EMX1: variants seen among roughly 807,000 people sequenced by gnomAD.
EMX1 encodes the protein homeobox protein EMX1.
Under a neutral mutation model 20.1 loss-of-function variants are expected in EMX1, and 10 were observed. The ratio of observed to expected loss-of-function variants is 0.50; its 90% CI spans 0.31 to 0.84. The LOEUF is 0.84. Among genes scored for constraint, EMX1 ranks in the 40% least tolerant of loss-of-function variants. The pLI is 0.05. For missense variants in EMX1, 424 were observed against 431.9 expected, an observed-to-expected ratio of 0.98 and a Z score of 0.16; for synonymous variants, 250 against 200.4, an observed-to-expected ratio of 1.25 and a Z score of -2.09.
chr2:72,928,837 G>C (rs1671243219), intron 2 of EMX1, among the ~76,000 whole-genome samples: 1 of 152,154 alleles, frequency 6.6e-6, no homozygotes. Context: ...TTGAGAAGAT[G>C]GCTCCAGGAG....
At chr2:72,925,383 C>G in intron 2 of EMX1, 1 of 1,235,376 alleles carries the variant, frequency 8.1e-7, no homozygotes, top group Non-Finnish European at 1.0e-6. Context: ...TGTAAGTAGA[C>G]TTTGCCATAA....
At position 72,934,096 on chromosome 2, in the gene EMX1, G is replaced by A. The variant is rs1021369143; in HGVS notation, c.*142G>A. The A allele has an allele frequency of 2.5e-5, 30 of 1,199,468 alleles. No individual in the cohort carries two copies. The highest frequency in any genetic ancestry group is 9.6e-5 in the South Asian group (6 of 62,602). 74.3% of individuals were successfully genotyped at this position (1,199,468 alleles called of 1,614,324 possible). A position where few individuals can be genotyped will look rare whatever the true frequency, so the allele number is the denominator to read the frequency against. Reference sequence around the variant, plus strand: ...CATGGCCCCACAGGGCTTGAAGCCCGGGGCCGCCATTGACAGAGGGACAAG... The same window carrying A: ...CATGGCCCCACAGGGCTTGAAGCCCAGGGCCGCCATTGACAGAGGGACAAG... On this transcript the variant is annotated 3_prime_UTR_variant, in exon 3 of 3. Transcript: ENST00000258106.
At chr2:72,926,494 C>T (rs559072693) in intron 2 of EMX1, 1 of 206,720 alleles carries the variant, frequency 4.8e-6, no homozygotes, top group African/African-American at 2.4e-5. Flanking sequence ...CCTGGGGAAC[C>T]TGCCGTGGCA....
chr2:72,918,417 G>A (rs764710255), intron 1 of EMX1, 45 bp downstream of exon 1: 31 of 1,356,368 alleles, frequency 2.3e-5, no homozygotes, highest in Non-Finnish European at 2.4e-5. Flanking sequence ...GCCGGCGCCC[G>A]TGCTGCGGCG....
At chr2:72,926,765 A>G (rs996529193) in intron 2 of EMX1, among the ~76,000 whole-genome samples, 3 of 152,250 alleles carry the variant, frequency 2.0e-5, no homozygotes, top group Admixed American at 2.0e-4. Flanking sequence ...GATTAGTAGC[A>G]TAAGAAGATC....
intron 2 of EMX1, 128 bp downstream of exon 2, chr2:72,924,621 C>T (rs1419872907): frequency 8.6e-7 from 1 of 1,166,384 alleles, no homozygotes; most frequent in Non-Finnish European, 1.2e-6. Flanking sequence ...CCCCCATTCC[C>T]CGCGGCGCTG....
chr2:72,933,924 G>A lies in EMX1; in HGVS notation c.843G>A (p.Gly281=), dbSNP rs746513092. The A allele has an allele frequency of 2.5e-6, 4 of 1,614,278 alleles. No individual in the cohort carries two copies. The South Asian group carries it at 4.4e-5, about 18-fold the overall frequency. ...GCATTGCCACGAAGCAGGCCAATGG[G>A]GAGGACATCGATGTCACCTCCAATG... The part of the protein sequence containing the change: ...RWRIATKQAN[G]EDIDVTSND The change falls in exon 3 of 3, where the codon GGG becomes GGA. Residue 281 remains glycine, a synonymous_variant. Coordinates refer to ENST00000258106, the MANE Select transcript of EMX1 (RefSeq NM_004097.3).
intron 1 of EMX1, among the ~76,000 whole-genome samples, chr2:72,920,021 G>A (rs1380504888): frequency 1.3e-5 from 2 of 152,174 alleles, no homozygotes; most frequent in Non-Finnish European, 2.9e-5. Flanking sequence ...GGAGGCTTGT[G>A]GAGGGATAGG....
Position 72,917,604 on chromosome 2 carries a change from C to T in EMX1, c.-249C>T, listed in dbSNP as rs1340551428. On this transcript the variant is annotated 5_prime_UTR_variant, in exon 1 of 3. Transcript: ENST00000258106. Reference sequence around the variant, plus strand: ...GGCTGGGGTCGGTCCCAGCGGGACTCCGAAAGGAGGGAGACGAGCTCAACC... The same window carrying T: ...GGCTGGGGTCGGTCCCAGCGGGACTTCGAAAGGAGGGAGACGAGCTCAACC... 12 of 224,036 alleles carry T rather than the reference C, an allele frequency of 5.4e-5. No individual in the cohort carries two copies. In the Admixed American group the frequency reaches 6.9e-4, roughly 13 times the overall value. The allele number at this position is 224,036 out of a possible 1,614,324, so 13.9% of individuals were successfully genotyped here.
In EMX1 at chr2:72,917,844, C is replaced by A; in HGVS notation, c.-9C>A. On this transcript the variant is annotated 5_prime_UTR_variant, in exon 1 of 3. Coordinates refer to ENST00000258106, the MANE Select transcript of EMX1 (RefSeq NM_004097.3). ...GGGCGGGGGAGGTGAGGGGTGCGGG[C>A]GGGTGTGCATGTGCCTGGCTGGGTG... 7.1e-7 allele frequency: 1 copy of A among 1,399,660 alleles called. No homozygotes were observed. The highest frequency in any genetic ancestry group is 1.5e-5 in the African/African-American group (1 of 66,714). 86.7% of individuals were successfully genotyped at this position (1,399,660 alleles called of 1,614,324 possible). A position where few individuals can be genotyped will look rare whatever the true frequency, so the allele number is the denominator to read the frequency against.
chr2:72,933,993 T>G lies in EMX1; in HGVS notation c.*39T>G. 6.2e-7 allele frequency: 1 copy of G among 1,612,476 alleles called. No homozygotes were observed. The highest frequency in any genetic ancestry group is 1.1e-5 in the South Asian group (1 of 90,872). ...AAACCCACGAGGGCAGAGTGCTGCT[T>G]GCTGCTGGCCAGGCCCCTGCGTGGG... On this transcript the variant is annotated 3_prime_UTR_variant, in exon 3 of 3. Coordinates refer to ENST00000258106, the MANE Select transcript of EMX1 (RefSeq NM_004097.3).
intron 1 of EMX1, among the ~76,000 whole-genome samples, chr2:72,921,799 G>A (rs917372273): frequency 1.3e-5 from 2 of 152,134 alleles, no homozygotes; most frequent in Admixed American, 1.3e-4. Context: ...TTCTCAGTAA[G>A]GTAGACCCAA....
rs928078436 is a variant in EMX1 at position 72,925,309 on chromosome 2, G to A, written c.705+816G>A. On this transcript the variant is annotated intron_variant, in intron 2 of 2. Coordinates refer to ENST00000258106, the MANE Select transcript of EMX1 (RefSeq NM_004097.3). Reference sequence around the variant, plus strand: ...CCGTGTAGTGTTTTTGTAACTGATCGTTAATTTAAGGGAAAAAATTAAAGA... The same window carrying A: ...CCGTGTAGTGTTTTTGTAACTGATCATTAATTTAAGGGAAAAAATTAAAGA... 54 of 1,062,510 alleles carry A rather than the reference G, an allele frequency of 5.1e-5. 1 individual carries two copies. In the South Asian group the frequency reaches 7.2e-4, roughly 14 times the overall value. 65.8% of individuals were successfully genotyped at this position (1,062,510 alleles called of 1,614,324 possible). A position where few individuals can be genotyped will look rare whatever the true frequency, so the allele number is the denominator to read the frequency against.
At chr2:72,927,712 G>A (rs939079453) in intron 2 of EMX1, among the ~76,000 whole-genome samples, 5 of 152,224 alleles carry the variant, frequency 3.3e-5, no homozygotes, top group African/African-American at 1.2e-4. Flanking sequence ...ACAGGCCTGA[G>A]CATCTTAGCT....
intron 2 of EMX1, among the ~76,000 whole-genome samples, chr2:72,924,734 A>G (rs541511204): frequency 1.4e-4 from 22 of 152,302 alleles, no homozygotes; most frequent in Admixed American, 1.1e-3. Flanking sequence ...AGGCAGAGTA[A>G]ATGCAAACTG....
chr2:72,924,259 C>T (rs1559059380), intron 1 of EMX1, 50 bp from the exon 2 acceptor site: 1 of 1,541,766 alleles, frequency 6.5e-7, no homozygotes, highest in East Asian at 2.4e-5. Flanking sequence ...CACGGCGCCC[C>T]TTCTCTCTGT....
At chr2:72,916,276 G>A (rs566218232), upstream of EMX1, 11 of 201,602 alleles carry the variant, frequency 5.5e-5, no homozygotes, top group Non-Finnish European at 1.1e-4. Context: ...CGCGGCGCAC[G>A]GACCCCGTGG....
intron 2 of EMX1, among the ~76,000 whole-genome samples, chr2:72,924,933 A>G (rs937087726): frequency 8.5e-5 from 13 of 152,182 alleles, no homozygotes; most frequent in African/African-American, 2.7e-4. Context: ...GCCGGTCCGC[A>G]CTGGCTTTGC....
At chr2:72,916,643 G>A (rs777261566), upstream of EMX1, 2 of 705,676 alleles carry the variant, frequency 2.8e-6, no homozygotes, top group Non-Finnish European at 2.6e-6. Flanking sequence ...GGGAGGTCAG[G>A]CTGCTTCTGC....
Sources: gnomAD v4.1 joint callset for allele counts (sites outside exome capture counted in the v4.1 genomes callset) on GRCh38, gnomAD v4.1.1 for gene constraint, MANE v1.5 for transcripts, NCBI Gene and HGNC (gene_info 2026-07-23, HGNC 2026-07-21) for gene names.